Variants in ANGPT1 observed in about 807,000 individuals in gnomAD.
ANGPT1 encodes the protein angiopoietin-1.
Under a neutral mutation model 62.2 loss-of-function variants are expected in ANGPT1, and 17 were observed. That is an observed-to-expected ratio of 0.27 (90% CI 0.19 to 0.41). ANGPT1 has a LOEUF of 0.41. Among genes scored for constraint, ANGPT1 ranks in the 10% least tolerant of loss-of-function variants. ANGPT1 has a pLI of 1.00. For synonymous variants in ANGPT1, 199 were observed against 198.9 expected (o/e 1.00, Z 0.00); for missense variants, 478 against 594.9 (o/e 0.80, Z 2.04).
chr8:107,319,845 C>T (rs895368827), intron 4 of ANGPT1, among the ~76,000 whole-genome samples: 1 of 151,758 alleles, frequency 6.6e-6, no homozygotes, highest in Non-Finnish European at 1.5e-5. Context: ...AGTTAGAACG[C>T]TTAACAGTAA....
chr8:107,259,852 G>C (rs1422247129), intron 8 of ANGPT1, among the ~76,000 whole-genome samples: 1 of 151,848 alleles, frequency 6.6e-6, no homozygotes, highest in Non-Finnish European at 1.5e-5. Flanking sequence ...TGTTTTGAAT[G>C]TGACAATCTA....
chr8:107,288,306 T>A (rs1006673028), intron 6 of ANGPT1, among the ~76,000 whole-genome samples: 9 of 152,184 alleles, frequency 5.9e-5, no homozygotes, highest in Non-Finnish European at 1.0e-4. Flanking sequence ...TTCTTACCTT[T>A]GCTTCCAAGT....
intron 3 of ANGPT1, 29 bp from the exon 4 acceptor site, chr8:107,322,157 T>C (rs751030626): frequency 2.0e-6 from 3 of 1,520,580 alleles, no homozygotes; most frequent in Non-Finnish European, 2.7e-6. Flanking sequence ...AAAACTTAGA[T>C]TTGAAAAAAT....
intron 1 of ANGPT1, among the ~76,000 whole-genome samples, chr8:107,477,816 C>T (rs1202736817): frequency 1.3e-5 from 2 of 151,986 alleles, no homozygotes; most frequent in Non-Finnish European, 2.9e-5. Flanking sequence ...ATAAAATTAG[C>T]CAAGGATTTT....
intron 5 of ANGPT1, 44 bp downstream of exon 5, chr8:107,303,196 T>G: frequency 4.4e-6 from 7 of 1,597,978 alleles, no homozygotes; most frequent in Non-Finnish European, 6.0e-6. Flanking sequence ...GCAATTCAAC[T>G]GGGATCTGGC....
At chr8:107,361,482 A>G (rs528267342) in intron 1 of ANGPT1, among the ~76,000 whole-genome samples, 1 of 148,060 alleles carries the variant, frequency 6.8e-6, no homozygotes, top group Non-Finnish European at 1.5e-5. Flanking sequence ...ATATACATAC[A>G]TATGTATCTG....
chr8:107,403,883 G>C (rs769180522), intron 1 of ANGPT1, among the ~76,000 whole-genome samples: 1 of 152,066 alleles, frequency 6.6e-6, no homozygotes, highest in African/African-American at 2.4e-5. Flanking sequence ...TTGCATTACT[G>C]TCATGAAGAA....
chr8:107,475,511 A>G (rs935412775), intron 1 of ANGPT1, among the ~76,000 whole-genome samples: 4 of 152,202 alleles, frequency 2.6e-5, no homozygotes, highest in African/African-American at 9.6e-5. Flanking sequence ...AATACCATTC[A>G]GGACATAGGC....
intron 1 of ANGPT1, among the ~76,000 whole-genome samples, chr8:107,477,954 C>T (rs975284126): frequency 6.6e-6 from 1 of 151,272 alleles, no homozygotes; most frequent in African/African-American, 2.4e-5. Flanking sequence ...AATAAATGAC[C>T]ATGACATGAG....
At chr8:107,316,584 AT>A (rs1563565583) in intron 4 of ANGPT1, among the ~76,000 whole-genome samples, 1 of 152,142 alleles carries the variant, frequency 6.6e-6, no homozygotes, top group Non-Finnish European at 1.5e-5. Context: ...TTTACAGTAT[AT>A]TTTTCCTACA....
chr8:107,403,388 T>C (rs1817084408), intron 1 of ANGPT1, among the ~76,000 whole-genome samples: 1 of 152,172 alleles, frequency 6.6e-6, no homozygotes, highest in Admixed American at 6.6e-5. Context: ...ATAACTGTTA[T>C]TCGGCCTCTA....
At chr8:107,421,713 G>A (rs1309023477) in intron 1 of ANGPT1, among the ~76,000 whole-genome samples, 2 of 152,090 alleles carry the variant, frequency 1.3e-5, no homozygotes, top group Non-Finnish European at 2.9e-5. Flanking sequence ...TGCAGCTTGG[G>A]GTTTCACAGG....
At chr8:107,260,891 A>C (rs1459821772) in intron 8 of ANGPT1, among the ~76,000 whole-genome samples, 1 of 152,224 alleles carries the variant, frequency 6.6e-6, no homozygotes, top group Non-Finnish European at 1.5e-5. Context: ...CATTTAAAGC[A>C]GAAATAAAAT....
chr8:107,256,229 T>G (rs77554957), intron 8 of ANGPT1, among the ~76,000 whole-genome samples: 319 of 152,320 alleles, frequency 2.1e-3, no homozygotes, highest in African/African-American at 7.1e-3. Flanking sequence ...TCAGTTTTAT[T>G]ATAAAATATC....
chr8:107,293,847 A>C, intron 6 of ANGPT1, 89 bp downstream of exon 6: 1 of 977,076 alleles, frequency 1.0e-6, no homozygotes, highest in Non-Finnish European at 1.5e-6. Flanking sequence ...ACTCAAAACC[A>C]CCTAAAAATA....
chr8:107,254,990 A>G (rs1813325811), intron 8 of ANGPT1, among the ~76,000 whole-genome samples: 1 of 152,206 alleles, frequency 6.6e-6, no homozygotes, highest in Non-Finnish European at 1.5e-5. Flanking sequence ...CTTAAAAAAA[A>G]AAAGGAGAAA....
At chr8:107,322,261 A>C (rs1167246874) in intron 3 of ANGPT1, 133 bp from the exon 4 acceptor site, 3 of 668,006 alleles carry the variant, frequency 4.5e-6, no homozygotes, top group Non-Finnish European at 2.5e-6. Flanking sequence ...TTTAAGTGAG[A>C]GACTTAAGAA....
At chr8:107,402,214 C>T (rs903615805) in intron 1 of ANGPT1, among the ~76,000 whole-genome samples, 20 of 152,076 alleles carry the variant, frequency 1.3e-4, no homozygotes, top group African/African-American at 3.1e-4. Flanking sequence ...CATTTTTTAA[C>T]GCACTGCCAA....
chr8:107,333,996 G>GGGAAGGAAAGAAGGAAGGAA (rs1815494644), intron 3 of ANGPT1, among the ~76,000 whole-genome samples: 1 of 70,478 alleles, frequency 1.4e-5, no homozygotes, highest in South Asian at 6.7e-4. Context: ...GAGGGAGGGA[G>GGGAAGGAAAGAAGGAAGGAA]GGAAGGAAGG....
Sources: allele counts gnomAD v4.1 joint callset (sites outside exome capture counted in the v4.1 genomes callset), GRCh38; gene constraint gnomAD v4.1.1; transcripts MANE v1.5; gene names NCBI Gene and HGNC (gene_info 2026-07-23, HGNC 2026-07-21).